Variants in SHB observed in about 807,000 individuals in gnomAD.
The protein encoded by SHB is SH2 domain containing adaptor protein B.
Under a neutral mutation model 52.3 loss-of-function variants are expected in SHB, and 20 were observed. The observed-to-expected ratio is 0.38, with a 90% CI of 0.27 to 0.56. SHB has a LOEUF of 0.56. SHB is among the 20% of genes least tolerant of loss of function. The probability of loss-of-function intolerance (pLI) is 0.71; values close to 1 mark genes in which losing one functional copy is unlikely to be tolerated. For missense variants in SHB, 825 were observed against 723.3 expected (o/e 1.14, Z -1.61); for synonymous variants, 397 against 316.5 (o/e 1.25, Z -2.70).
At chr9:37,974,864 G>A in intron 2 of SHB, 27 bp from the exon 3 acceptor site, 1 of 1,563,572 alleles carries the variant, frequency 6.4e-7, no homozygotes, top group Non-Finnish European at 8.8e-7. Flanking sequence ...AGGAAGCAGA[G>A]ATGAAATGGA....
chr9:38,016,202 C>A, intron 1 of SHB, 71 bp from the exon 2 acceptor site: 1 of 1,551,328 alleles, frequency 6.4e-7, no homozygotes, highest in Non-Finnish European at 8.8e-7. Context: ...CACAGCTAGG[C>A]TTTGGGCCTC....
At chr9:37,921,188 C>T (rs1480558654) in intron 5 of SHB, among the ~76,000 whole-genome samples, 1 of 152,194 alleles carries the variant, frequency 6.6e-6, no homozygotes, top group Non-Finnish European at 1.5e-5. Context: ...GTGTCTGTCC[C>T]TTAGGTAGAA....
chr9:38,044,125 C>T (rs551976766), intron 1 of SHB, among the ~76,000 whole-genome samples: 3 of 152,308 alleles, frequency 2.0e-5, no homozygotes, highest in East Asian at 3.9e-4. Context: ...AAGGCAGGCC[C>T]TGCCTCTCTC....
intron 1 of SHB, among the ~76,000 whole-genome samples, chr9:38,021,886 G>A (rs112827155): frequency 3.9e-5 from 6 of 152,244 alleles, no homozygotes; most frequent in Non-Finnish European, 5.9e-5. Context: ...CTGCACATCC[G>A]CCACCCTGCT....
Position 38,027,606 on chromosome 9 carries a change from C to A in SHB, c.718-11475G>T, listed in dbSNP as rs947187036. Among the ~76,000 whole-genome samples, 6 of 150,766 alleles carry A rather than the reference C, an allele frequency of 4.0e-5. No individual in the cohort carries two copies. In the Admixed American group the frequency reaches 4.0e-4, roughly 10 times the overall value. On this transcript the variant is annotated intron_variant, in intron 1 of 5. Transcript: ENST00000377707. ...GTATCAGGAAAGCTGGGTTACAAAG[C>A]CAGCTACCCATGGTGGGCAACTAGA... is the stretch of plus-strand genomic sequence containing the variant.
At chr9:37,976,843 G>T (rs996616008) in intron 2 of SHB, among the ~76,000 whole-genome samples, 1 of 152,190 alleles carries the variant, frequency 6.6e-6, no homozygotes. Context: ...TATGCTCCTT[G>T]AAGAGCAGCT....
intron 3 of SHB, among the ~76,000 whole-genome samples, chr9:37,973,758 T>C (rs908349858): frequency 1.3e-5 from 2 of 152,116 alleles, no homozygotes; most frequent in African/African-American, 4.8e-5. Flanking sequence ...GAGGGTCATC[T>C]GGGAGGGGCT....
chr9:38,053,485 C>A (rs186465220), intron 1 of SHB, among the ~76,000 whole-genome samples: 8 of 152,280 alleles, frequency 5.3e-5, no homozygotes, highest in Admixed American at 2.6e-4. Flanking sequence ...GATCCGCCCA[C>A]CCCAGTCTCC....
intron 5 of SHB, among the ~76,000 whole-genome samples, chr9:37,924,410 G>T (rs1440139407): frequency 6.6e-6 from 1 of 152,224 alleles, no homozygotes; most frequent in African/African-American, 2.4e-5. Context: ...AGAATCCTGG[G>T]TAATAGTTAT....
At chr9:38,019,615 G>C (rs1404059972) in intron 1 of SHB, among the ~76,000 whole-genome samples, 1 of 152,196 alleles carries the variant, frequency 6.6e-6, no homozygotes, top group African/African-American at 2.4e-5. Context: ...AGCAGAATTG[G>C]GTCCTCTCCA....
intron 5 of SHB, among the ~76,000 whole-genome samples, chr9:37,934,357 G>A (rs1226624446): frequency 1.3e-5 from 2 of 152,226 alleles, no homozygotes; most frequent in African/African-American, 4.8e-5. Context: ...GAGTGCAGTG[G>A]CACATTCATA....
intron 2 of SHB, among the ~76,000 whole-genome samples, chr9:37,977,930 A>T (rs2117976048): frequency 6.6e-6 from 1 of 152,322 alleles, no homozygotes; most frequent in South Asian, 2.1e-4. Context: ...GGAACCACAA[A>T]CAATTCACAG....
At chr9:37,923,261 C>G (rs1832204692) in intron 5 of SHB, among the ~76,000 whole-genome samples, 1 of 152,216 alleles carries the variant, frequency 6.6e-6, no homozygotes, top group African/African-American at 2.4e-5. Context: ...GAGCAAACAT[C>G]CCCTCCACGC....
intron 1 of SHB, among the ~76,000 whole-genome samples, chr9:38,043,963 G>A (rs1363065661): frequency 1.3e-5 from 2 of 152,198 alleles, no homozygotes; most frequent in African/African-American, 4.8e-5. Flanking sequence ...TCAGGGCCAG[G>A]CCTCAATCCA....
rs1462315483 is a variant in SHB at position 37,932,398 on chromosome 9, T to G, written c.1347-12394A>C. Among the ~76,000 whole-genome samples, 5 of 146,082 alleles carry G rather than the reference T, an allele frequency of 3.4e-5. No individual in the cohort carries two copies. In the East Asian group the frequency reaches 8.0e-4, roughly 23 times the overall value. On this transcript the variant is annotated intron_variant, in intron 5 of 5. Transcript: ENST00000377707. ...AAAACAGTGGGTCCTTGGGGCAGGG[T>G]GGGGAGGAGATGGGGAGATGTAGGT...
intron 2 of SHB, among the ~76,000 whole-genome samples, chr9:37,979,703 C>T (rs181133114): frequency 3.6e-4 from 54 of 151,718 alleles, no homozygotes; most frequent in African/African-American, 1.3e-3. Context: ...ATGCCTGTAA[C>T]CCCAGCACTT....
chr9:37,990,510 T>C (rs1271218611), intron 2 of SHB, among the ~76,000 whole-genome samples: 1 of 152,092 alleles, frequency 6.6e-6, no homozygotes, highest in Non-Finnish European at 1.5e-5. Flanking sequence ...TTTTGCAAAT[T>C]CAGAATTTAG....
At chr9:38,065,805 G>A (rs1427030151) in intron 1 of SHB, among the ~76,000 whole-genome samples, 1 of 152,120 alleles carries the variant, frequency 6.6e-6, no homozygotes, top group Non-Finnish European at 1.5e-5. Flanking sequence ...CCTGACTCAG[G>A]CCCTGCCCAA....
chr9:38,064,942 G>T (rs1026963242), intron 1 of SHB, among the ~76,000 whole-genome samples: 2 of 152,154 alleles, frequency 1.3e-5, no homozygotes, highest in African/African-American at 4.8e-5. Flanking sequence ...GGGCAACACA[G>T]AGAGACCTCC....
Sources: gnomAD v4.1 joint callset for allele counts (sites outside exome capture counted in the v4.1 genomes callset) on GRCh38, gnomAD v4.1.1 for gene constraint, MANE v1.5 for transcripts, NCBI Gene and HGNC (gene_info 2026-07-23, HGNC 2026-07-21) for gene names.